Variants in SEZ6L observed in about 807,000 individuals in gnomAD.
The protein encoded by SEZ6L is seizure related 6 homolog like.
Under a neutral mutation model 106.2 loss-of-function variants are expected in SEZ6L, and 37 were observed. That is an observed-to-expected ratio of 0.35 (90% CI 0.27 to 0.46). The LOEUF (loss-of-function observed/expected upper bound fraction) is 0.46, where lower values mean the gene tolerates loss of function less well. SEZ6L is among the 20% of genes least tolerant of loss of function. SEZ6L has a pLI of 1.00. For missense variants in SEZ6L, 1,172 were observed against 1,332.8 expected, an observed-to-expected ratio of 0.88 and a Z score of 1.88; for synonymous variants, 541 against 570.4, an observed-to-expected ratio of 0.95 and a Z score of 0.73.
intron 1 of SEZ6L, among the ~76,000 whole-genome samples, chr22:26,243,750 G>A (rs1017718628): frequency 6.6e-6 from 1 of 152,152 alleles, no homozygotes; most frequent in Non-Finnish European, 1.5e-5. Context: ...AGAAGAGGAG[G>A]AGGACAGAGC....
chr22:26,271,312 T>C (rs1206286036), intron 1 of SEZ6L, among the ~76,000 whole-genome samples: 1 of 152,238 alleles, frequency 6.6e-6, no homozygotes, highest in Non-Finnish European at 1.5e-5. Context: ...TAAGTCTTTG[T>C]TAGTATCTAT....
chr22:26,276,328 T>A (rs1386798831), intron 1 of SEZ6L, among the ~76,000 whole-genome samples: 3 of 152,240 alleles, frequency 2.0e-5, no homozygotes, highest in African/African-American at 7.2e-5. Flanking sequence ...CAAGGTCACA[T>A]GGCAACTTGG....
chr22:26,328,428 A>G (rs932698222), intron 9 of SEZ6L, among the ~76,000 whole-genome samples: 17 of 152,218 alleles, frequency 1.1e-4, no homozygotes, highest in Admixed American at 3.3e-4. Context: ...CAGAGAGGCT[A>G]ATCTGCTTCA....
chr22:26,285,174 A>G (rs908305455), intron 1 of SEZ6L, among the ~76,000 whole-genome samples: 13 of 152,138 alleles, frequency 8.5e-5, no homozygotes, highest in African/African-American at 2.4e-4. Context: ...CTATGAATCT[A>G]TCCTTCCAAG....
At chr22:26,313,278 G>T (rs1203414017) in intron 8 of SEZ6L, among the ~76,000 whole-genome samples, 1 of 152,172 alleles carries the variant, frequency 6.6e-6, no homozygotes, top group Non-Finnish European at 1.5e-5. Context: ...AATGAGGTTG[G>T]CAGTGGTATT....
intron 1 of SEZ6L, among the ~76,000 whole-genome samples, chr22:26,283,703 T>A (rs1698502107): frequency 6.6e-6 from 1 of 152,098 alleles, no homozygotes; most frequent in South Asian, 2.1e-4. Context: ...GTGCATACAA[T>A]AAATAATAGC....
At chr22:26,319,696 T>C (rs576315423) in intron 9 of SEZ6L, among the ~76,000 whole-genome samples, 2 of 152,320 alleles carry the variant, frequency 1.3e-5, no homozygotes, top group African/African-American at 4.8e-5. Context: ...CGCATTGTGG[T>C]GTATCTTGAA....
chr22:26,293,213 T>C, intron 2 of SEZ6L, 67 bp downstream of exon 2: 1 of 1,449,518 alleles, frequency 6.9e-7, no homozygotes, highest in Non-Finnish European at 9.0e-7. Context: ...GTTCAGGGCA[T>C]GTGGGTAGAG....
At chr22:26,276,596 G>C (rs571211831) in intron 1 of SEZ6L, among the ~76,000 whole-genome samples, 1 of 152,198 alleles carries the variant, frequency 6.6e-6, no homozygotes, top group African/African-American at 2.4e-5. Flanking sequence ...AATGCAGATC[G>C]ATTTCCCACC....
In SEZ6L at chr22:26,343,347, C is replaced by T. The variant is rs557936359; in HGVS notation, c.2212+2715C>T. Among the ~76,000 whole-genome samples the T allele has an allele frequency of 2.8e-3, 413 of 148,646 alleles. 2 individuals are homozygous for T. The highest frequency in any genetic ancestry group is 4.5e-3 in the Non-Finnish European group (301 of 67,288). ...GCCAAAAAAAAAAAAAAAAAACTGA[C>T]TGACTCTATCCAAGGCTGGTCAAGG... On this transcript the variant is annotated intron_variant, in intron 10 of 16. Transcript: ENST00000248933.
At chr22:26,355,465 C>T (rs774968821) in intron 12 of SEZ6L, among the ~76,000 whole-genome samples, 7 of 152,182 alleles carry the variant, frequency 4.6e-5, no homozygotes, top group Admixed American at 3.3e-4. Flanking sequence ...AGGTGGCTCA[C>T]GCCTGTAATC....
At chr22:26,308,051 A>C (rs996714447) in intron 6 of SEZ6L, among the ~76,000 whole-genome samples, 2 of 152,198 alleles carry the variant, frequency 1.3e-5, no homozygotes, top group Non-Finnish European at 2.9e-5. Flanking sequence ...CACACACACA[A>C]AAATGATGAA....
At chr22:26,334,864 C>T (rs1346210749) in intron 9 of SEZ6L, among the ~76,000 whole-genome samples, 1 of 152,168 alleles carries the variant, frequency 6.6e-6, no homozygotes, top group African/African-American at 2.4e-5. Flanking sequence ...CAGAAGGGAT[C>T]CTGCCACTCC....
intron 10 of SEZ6L, among the ~76,000 whole-genome samples, chr22:26,345,576 T>C (rs1335959032): frequency 6.6e-6 from 1 of 152,146 alleles, no homozygotes; most frequent in Non-Finnish European, 1.5e-5. Context: ...AAATAGAGGC[T>C]CCTGTCCCCC....
chr22:26,313,164 C>T lies in SEZ6L; in HGVS notation c.1877-600C>T, dbSNP rs371564789. On this transcript the variant is annotated intron_variant, in intron 8 of 16. Coordinates refer to ENST00000248933, the MANE Select transcript of SEZ6L (RefSeq NM_021115.5). ...CACATCTCTGCTTCCAGTTCAGGGC[C>T]GGGACCTGTCATAGCAACATTATCT... 6.6e-5 allele frequency among the ~76,000 whole-genome samples: 10 copies of T among 152,282 alleles called. No individual in the cohort carries two copies. The South Asian group carries it at 1.5e-3, about 22-fold the overall frequency.
intron 1 of SEZ6L, among the ~76,000 whole-genome samples, chr22:26,204,708 G>A (rs191981663): frequency 6.6e-6 from 1 of 152,314 alleles, no homozygotes; most frequent in African/African-American, 2.4e-5. Context: ...TTCCTAGGTG[G>A]AGAGCAGGTC....
intron 1 of SEZ6L, among the ~76,000 whole-genome samples, chr22:26,223,834 A>C (rs745569475): frequency 3.9e-5 from 6 of 152,176 alleles, no homozygotes; most frequent in Non-Finnish European, 1.5e-5. Flanking sequence ...AGGCCCCCGG[A>C]TAGGGAGAAG....
chr22:26,290,450 T>C (rs2081073927), intron 1 of SEZ6L, among the ~76,000 whole-genome samples: 1 of 152,166 alleles, frequency 6.6e-6, no homozygotes, highest in South Asian at 2.1e-4. Context: ...GAGAATGGCG[T>C]GAACCCGGGA....
intron 1 of SEZ6L, among the ~76,000 whole-genome samples, chr22:26,230,827 A>G (rs867305811): frequency 3.3e-5 from 5 of 152,322 alleles, no homozygotes; most frequent in African/African-American, 9.6e-5. Flanking sequence ...AGATTTTGAT[A>G]TGTCTAGGGA....
Sources: allele counts gnomAD v4.1 joint callset (sites outside exome capture counted in the v4.1 genomes callset), GRCh38; gene constraint gnomAD v4.1.1; transcripts MANE v1.5; gene names NCBI Gene and HGNC (gene_info 2026-07-23, HGNC 2026-07-21).